The following SMURF1 variants were observed in gnomAD, a reference collection of about 807,000 sequenced individuals.
The protein encoded by SMURF1 is E3 ubiquitin-protein ligase SMURF1.
SMURF1 carries 44 observed loss-of-function variants against 98.0 expected under a neutral mutation model. That is an observed-to-expected ratio of 0.45 (90% confidence interval 0.35 to 0.58). SMURF1 has a LOEUF of 0.58. SMURF1 is among the 20% of genes least tolerant of loss of function. The probability of loss-of-function intolerance (pLI) is 0.00; values close to 1 mark genes in which losing one functional copy is unlikely to be tolerated. For synonymous variants in SMURF1, 396 were observed against 374.9 expected (o/e 1.06, Z -0.65); for missense variants, 687 against 938.4 (o/e 0.73, Z 3.50).
intron 1 of SMURF1, among the ~76,000 whole-genome samples, chr7:99,098,055 T>C (rs1177160485): frequency 6.6e-6 from 1 of 152,148 alleles, no homozygotes; most frequent in African/African-American, 2.4e-5. Context: ...ACTGTCAACA[T>C]CAAGAACTGC....
chr7:99,058,696 T>C (rs1286203339), intron 3 of SMURF1, among the ~76,000 whole-genome samples: 2 of 152,192 alleles, frequency 1.3e-5, no homozygotes, highest in Non-Finnish European at 1.5e-5. Flanking sequence ...CCCACCCAAA[T>C]ACAGTATAAT....
intron 11 of SMURF1, among the ~76,000 whole-genome samples, chr7:99,043,757 G>A (rs1303187403): frequency 2.6e-5 from 4 of 152,218 alleles, no homozygotes; most frequent in Admixed American, 1.3e-4. Context: ...GTTCCTGACT[G>A]CATGTAGTTT....
rs1320398365 is a variant in SMURF1 at position 99,030,621 on chromosome 7, G to C, written c.2159C>G (p.Thr720Arg). The change falls in exon 18 of 18, where the codon ACA (threonine) becomes AGA (arginine). Residue 720 changes from threonine (T) to arginine (R), a missense_variant. By Grantham distance (71) the Thr-to-Arg change is moderately conservative (BLOSUM62 -1). Transcript: ENST00000361368. ...SYEKLYEKLL[T>R]AVEETCGFAV... is the part of the protein sequence containing the mutation. ...AAACCCGCAGGTCTCCTCCACGGCTGTCAGCAGCTTCTCGTAGAGCTTCTC... is the reference window on the plus strand; with the variant it reads ...AAACCCGCAGGTCTCCTCCACGGCTCTCAGCAGCTTCTCGTAGAGCTTCTC... The C allele has an allele frequency of 6.2e-7, 1 of 1,614,180 alleles. No homozygotes were observed.
At chr7:99,077,326 T>A (rs1454278826) in intron 1 of SMURF1, among the ~76,000 whole-genome samples, 2 of 146,208 alleles carry the variant, frequency 1.4e-5, no homozygotes, top group Non-Finnish European at 3.1e-5. Context: ...TTTTTTATTT[T>A]TTTTATTTTT....
intron 1 of SMURF1, among the ~76,000 whole-genome samples, chr7:99,076,327 T>C (rs1267451463): frequency 6.6e-6 from 1 of 152,226 alleles, no homozygotes; most frequent in African/African-American, 2.4e-5. Context: ...AGCCAGGTGA[T>C]CAAGGTCAAC....
At chr7:99,136,892 G>A (rs889899349) in intron 1 of SMURF1, among the ~76,000 whole-genome samples, 5 of 152,226 alleles carry the variant, frequency 3.3e-5, no homozygotes, top group Admixed American at 6.5e-5. Flanking sequence ...CGAGGCTGCA[G>A]TGAGCTGTTA....
rs576633613 is a variant in SMURF1 at position 99,030,602 on chromosome 7, G to C, written c.2178C>G (p.Cys726Trp). 1 of 1,614,010 alleles carries C rather than the reference G, an allele frequency of 6.2e-7. No individual in the cohort carries two copies. Among genetic ancestry groups the C allele is most frequent in the African/African-American group, 1.3e-5 (1 of 74,926 alleles). ...TTGCTTTTCACTCCACAGCAAACCC[G>C]CAGGTCTCCTCCACGGCTGTCAGCA... ...EKLLTAVEET[C>W]GFAVE Residue 726 changes from cysteine to tryptophan, a missense_variant, in exon 18 of 18, where the codon TGC becomes TGG. Cys to Trp is a radical substitution (Grantham distance 215, BLOSUM62 -2). Transcript: ENST00000361368.
chr7:99,054,763 C>A lies in SMURF1; in HGVS notation c.479+27G>T, dbSNP rs565505243. ...GAGGTTAAGGCAGCAGAGAACTCAG[C>A]CCGCCTCTTGCTGTGGTTATACGTA... On this transcript the variant is annotated intron_variant, in intron 6 of 17. Coordinates refer to ENST00000361368, the MANE Select transcript of SMURF1 (RefSeq NM_181349.3). 3.7e-6 allele frequency: 6 copies of A among 1,607,098 alleles called. No individual in the cohort carries two copies. The East Asian group carries it at 1.3e-4, about 36-fold the overall frequency.
chr7:99,035,662 G>T lies in SMURF1; in HGVS notation c.1864C>A (p.Arg622=). The change falls in exon 16 of 18, where the codon CGG becomes AGG. Residue 622 remains arginine (R), a synonymous_variant. Coordinates refer to ENST00000361368, the MANE Select transcript of SMURF1 (RefSeq NM_181349.3). Reference sequence around the variant, plus strand: ...CTGTCGGCCACACAGTGCTTCAGCCGCGTGTTCGACTTCCAGTCGTTCAAG... The same window carrying T: ...CTGTCGGCCACACAGTGCTTCAGCCTCGTGTTCGACTTCCAGTCGTTCAAG... ...IDLNDWKSNT[R]LKHCVADSNI... 6.2e-7 allele frequency: 1 copy of T among 1,614,208 alleles called. No individual in the cohort carries two copies. Among genetic ancestry groups the T allele is most frequent in the Non-Finnish European group, 8.5e-7 (1 of 1,180,042 alleles).
At chr7:99,081,778 G>A (rs935192041) in intron 1 of SMURF1, among the ~76,000 whole-genome samples, 3 of 152,098 alleles carry the variant, frequency 2.0e-5, no homozygotes, top group Non-Finnish European at 2.9e-5. Context: ...TCAGCCTCCC[G>A]AGTAGCTGGG....
At chr7:99,122,643 CAAAAAAAA>C (rs200590592) in intron 1 of SMURF1, among the ~76,000 whole-genome samples, 11 of 119,988 alleles carry the variant, frequency 9.2e-5, no homozygotes, top group Non-Finnish European at 1.3e-4. Flanking sequence ...GATTCCGTGT[CAAAAAAAA>C]AAAAAAAAAA....
At chr7:99,091,408 G>A (rs1174692640) in intron 1 of SMURF1, among the ~76,000 whole-genome samples, 1 of 152,158 alleles carries the variant, frequency 6.6e-6, no homozygotes, top group African/African-American at 2.4e-5. Flanking sequence ...AATATGTGCA[G>A]AATAACAAGT....
At chr7:99,040,783 C>T (rs956482202) in intron 12 of SMURF1, among the ~76,000 whole-genome samples, 4 of 152,210 alleles carry the variant, frequency 2.6e-5, no homozygotes, top group African/African-American at 9.6e-5. Flanking sequence ...GGGCCAACAC[C>T]TCCTCAGAAG....
At chr7:99,125,041 GTT>G (rs966321946) in intron 1 of SMURF1, among the ~76,000 whole-genome samples, 41 of 148,596 alleles carry the variant, frequency 2.8e-4, no homozygotes, top group African/African-American at 1.0e-3. Flanking sequence ...GAGCATAGTA[GTT>G]ATTCAATAAA....
chr7:99,047,671 C>G lies in SMURF1; in HGVS notation c.1152+13G>C. 1 of 1,614,106 alleles carries G rather than the reference C, an allele frequency of 6.2e-7. No homozygotes were observed. The highest frequency in any genetic ancestry group is 8.5e-7 in the Non-Finnish European group (1 of 1,179,946). ...TCTGAACAGGGTCTGGGCAGTGGCC[C>G]TGAACTCTCTACCTCAAAGATTTCT... On this transcript the variant is annotated intron_variant, in intron 10 of 17. Coordinates refer to ENST00000361368, the MANE Select transcript of SMURF1 (RefSeq NM_181349.3).
intron 8 of SMURF1, chr7:99,050,272 A>G (rs1054802683): frequency 6.6e-6 from 1 of 152,600 alleles, no homozygotes; most frequent in Non-Finnish European, 1.5e-5. Flanking sequence ...TCCCCACGGC[A>G]TATCATTTCT....
In SMURF1 at chr7:99,093,792, T is replaced by C. The variant is rs569771453; in HGVS notation, c.56-31955A>G. Among the ~76,000 whole-genome samples, 3 of 152,166 alleles carry C rather than the reference T, an allele frequency of 2.0e-5. No homozygotes were observed. The South Asian group carries it at 6.2e-4, about 32-fold the overall frequency. ...ATAATTTCAATTTTAAAAAACTATA[T>C]ATGGGATTAGAAGCCAATTCTTCAA... On this transcript the variant is annotated intron_variant, in intron 1 of 17. Transcript: ENST00000361368.
intron 16 of SMURF1, among the ~76,000 whole-genome samples, chr7:99,034,843 G>A (rs532503807): frequency 8.5e-5 from 13 of 152,166 alleles, no homozygotes; most frequent in Admixed American, 5.2e-4. Flanking sequence ...TTTACTCAGC[G>A]AGGCAGAGGG....
In SMURF1 at chr7:99,080,358, G is replaced by A. The variant is rs575155659; in HGVS notation, c.56-18521C>T. On this transcript the variant is annotated intron_variant, in intron 1 of 17. Coordinates refer to ENST00000361368, the MANE Select transcript of SMURF1 (RefSeq NM_181349.3). The stretch of plus-strand genomic sequence containing the variant: ...CTTGTTGCGGAGGCTGGAGTGCAGC[G>A]GCGCGATCCCGGCTCACTGCAACCT... Among the ~76,000 whole-genome samples the A allele has an allele frequency of 3.8e-4, 58 of 152,288 alleles. 1 individual carries two copies. Among genetic ancestry groups the A allele is most frequent in the Admixed American group, 7.9e-4 (12 of 15,286 alleles).
Sources: gnomAD v4.1 joint callset for allele counts (sites outside exome capture counted in the v4.1 genomes callset) on GRCh38, gnomAD v4.1.1 for gene constraint, MANE v1.5 for transcripts, NCBI Gene and HGNC (gene_info 2026-07-23, HGNC 2026-07-21) for gene names.